The following DPP6 variants were observed in gnomAD, a reference collection of about 807,000 sequenced individuals.
DPP6 encodes dipeptidyl peptidase like 6.
In DPP6, 69 loss-of-function variants were observed where a neutral mutation model predicts 122.6. The ratio of observed to expected loss-of-function variants is 0.56; its 90% CI spans 0.46 to 0.69. The LOEUF (loss-of-function observed/expected upper bound fraction) is 0.69. DPP6 is among the 30% of genes least tolerant of loss of function. The pLI, the probability that DPP6 is intolerant of heterozygous loss-of-function variation, is 0.00. For synonymous variants in DPP6, 418 were observed against 433.1 expected, an observed-to-expected ratio of 0.97 and a Z score of 0.43; for missense variants, 928 against 1,116.9, an observed-to-expected ratio of 0.83 and a Z score of 2.41.
At chr7:154,211,605 A>G (rs754190082) in intron 1 of DPP6, among the ~76,000 whole-genome samples, 23 of 152,148 alleles carry the variant, frequency 1.5e-4, no homozygotes, top group Non-Finnish European at 3.1e-4. Context: ...ATGCGCATTT[A>G]TGGCTCTCTT....
chr7:154,805,480 G>A (rs1321107562), intron 15 of DPP6, among the ~76,000 whole-genome samples: 1 of 151,692 alleles, frequency 6.6e-6, no homozygotes, highest in Non-Finnish European at 1.5e-5. Context: ...AGTTATTTGG[G>A]ATCAGGGTAG....
chr7:153,815,779 G>A, the DPP6 span, among the ~76,000 whole-genome samples: 1 of 152,140 alleles, frequency 6.6e-6, no homozygotes, highest in African/African-American at 2.4e-5. Context: ...TGTATTGTGA[G>A]TTATCTGTGT....
At chr7:154,278,826 ATG>A (rs1804305289) in intron 1 of DPP6, among the ~76,000 whole-genome samples, 1 of 150,934 alleles carries the variant, frequency 6.6e-6, no homozygotes, top group South Asian at 2.1e-4. Context: ...GTGCAGTTGC[ATG>A]TGTGGGAGTG....
chr7:154,795,966 G>T, intron 12 of DPP6, 83 bp downstream of exon 12: 1 of 1,526,710 alleles, frequency 6.6e-7, no homozygotes, highest in South Asian at 1.3e-5. Context: ...GACAACAGCA[G>T]AATGGCTTCT....
chr7:154,795,714 T>C (rs1587165274), intron 11 of DPP6, 131 bp from the exon 12 acceptor site: 15 of 1,317,494 alleles, frequency 1.1e-5, no homozygotes, highest in Non-Finnish European at 1.5e-5. Context: ...AGCTGTGCAA[T>C]GCTTGTGCAG....
intron 1 of DPP6, among the ~76,000 whole-genome samples, chr7:154,360,809 G>A (rs965673655): frequency 2.6e-5 from 4 of 152,134 alleles, no homozygotes; most frequent in Admixed American, 6.6e-5. Flanking sequence ...TATTGCCCTC[G>A]CCCACCAGAA....
chr7:154,533,510 G>A (rs1828005166), intron 3 of DPP6, among the ~76,000 whole-genome samples: 1 of 151,790 alleles, frequency 6.6e-6, no homozygotes, highest in Admixed American at 6.6e-5. Context: ...AAATATTTAA[G>A]GCAAAAATAA....
chr7:154,853,887 C>T lies in DPP6; in HGVS notation c.1714+60C>T, dbSNP rs1802605796. The T allele has an allele frequency of 1.9e-6, 3 of 1,603,670 alleles. No individual in the cohort carries two copies. The South Asian group carries it at 3.3e-5, about 18-fold the overall frequency. On this transcript the variant is annotated intron_variant, in intron 17 of 25. Transcript: ENST00000377770. ...GACTCAGGAGAAAGGAAGCAAAACA[C>T]TCTATGAGATCAGCTGGCCCACATT...
intron 8 of DPP6, among the ~76,000 whole-genome samples, chr7:154,732,462 A>G (rs972645508): frequency 3.9e-5 from 6 of 152,212 alleles, no homozygotes; most frequent in Non-Finnish European, 8.8e-5. Flanking sequence ...ATATGCCATT[A>G]TCATGGAATG....
intron 25 of DPP6, chr7:154,889,780 AC>A: frequency 1.8e-6 from 1 of 548,890 alleles, no homozygotes; most frequent in Non-Finnish European, 3.1e-6. Context: ...CCGTACTCCC[AC>A]CCCAGCCCTG....
rs1554530645 is a variant in DPP6 at position 154,374,619 on chromosome 7, C to CTTTTTCTTTTTTTCT, written c.244-71590_244-71589insCTTTTTTTCTTTTTT. On this transcript the variant is annotated intron_variant, in intron 1 of 25. Coordinates refer to ENST00000377770, the MANE Select transcript of DPP6 (RefSeq NM_130797.4). ...CTTTTTCTGTTTTTTTTCTTTTTTT[C>CTTTTTCTTTTTTTCT]TTTTTTTTTGAGACGCAGTTTTCCT... Among the ~76,000 whole-genome samples, 11 of 44,880 alleles carry CTTTTTCTTTTTTTCT rather than the reference C, an allele frequency of 2.5e-4. No homozygotes were observed. In the South Asian group the frequency reaches 7.9e-3, roughly 32 times the overall value. 29.4% of individuals were successfully genotyped at this position (44,880 alleles called of 152,430 possible). A position where few individuals can be genotyped will look rare whatever the true frequency, so the allele number is the denominator to read the frequency against.
At position 154,880,637 on chromosome 7, in the gene DPP6, C is replaced by T. The variant is rs183050338; in HGVS notation, c.2079-251C>T. On this transcript the variant is annotated intron_variant, in intron 20 of 25. Transcript: ENST00000377770. ...CGGCTGTGGATTAATGGCTCGCAGT[C>T]GAGAAGCTTCTATACCTGGAAGTGC... 8.5e-5 allele frequency among the ~76,000 whole-genome samples: 13 copies of T among 152,262 alleles called. No homozygotes were observed. The East Asian group carries it at 9.7e-4, about 11-fold the overall frequency.
At chr7:154,759,515 C>A (rs181394077) in intron 8 of DPP6, among the ~76,000 whole-genome samples, 2 of 152,242 alleles carry the variant, frequency 1.3e-5, no homozygotes, top group Non-Finnish European at 2.9e-5. Flanking sequence ...GGCCACTGTG[C>A]GGTCTTTCCT....
chr7:154,018,516 T>C (rs1798538623), intron 1 of DPP6, among the ~76,000 whole-genome samples: 1 of 152,212 alleles, frequency 6.6e-6, no homozygotes, highest in Non-Finnish European at 1.5e-5. Flanking sequence ...CAAGTGTCCC[T>C]ATATATGGAA....
chr7:154,286,260 C>T (rs1210601848), intron 1 of DPP6, among the ~76,000 whole-genome samples: 1 of 152,078 alleles, frequency 6.6e-6, no homozygotes, highest in Non-Finnish European at 1.5e-5. Flanking sequence ...TAGCCAACAG[C>T]CCTGGGCAAT....
chr7:154,267,969 G>A (rs565054956), intron 1 of DPP6, among the ~76,000 whole-genome samples: 3 of 149,166 alleles, frequency 2.0e-5, no homozygotes, highest in East Asian at 3.9e-4. Flanking sequence ...ATATACACAC[G>A]TATATGCGCA....
chr7:154,669,428 A>C lies in DPP6; in HGVS notation c.749A>C (p.Lys250Thr). 1 of 1,554,468 alleles carries C rather than the reference A, an allele frequency of 6.4e-7. No homozygotes were observed. Residue 250 changes from lysine (K) to threonine (T), a missense_variant, in exon 7 of 26, where the codon AAA becomes ACA. By Grantham distance (78) the Lys-to-Thr change is moderately conservative (BLOSUM62 -1). Transcript: ENST00000377770. ...AKLQYAGWGP[K>T]GQQLIFIFEN... Reference sequence around the variant, plus strand: ...CTTCAGTATGCAGGATGGGGCCCTAAAGGCCAACAGCTGGTAAGCCAATCA... The same window carrying C: ...CTTCAGTATGCAGGATGGGGCCCTACAGGCCAACAGCTGGTAAGCCAATCA...
At chr7:154,153,832 G>A (rs1796548170) in intron 1 of DPP6, among the ~76,000 whole-genome samples, 1 of 152,154 alleles carries the variant, frequency 6.6e-6, no homozygotes, top group African/African-American at 2.4e-5. Flanking sequence ...AGCAGGCCCC[G>A]GGGCCATAGT....
chr7:154,857,674 G>A (rs1802953907), intron 17 of DPP6, among the ~76,000 whole-genome samples: 1 of 152,214 alleles, frequency 6.6e-6, no homozygotes, highest in Non-Finnish European at 1.5e-5. Context: ...GGTGCTTCCA[G>A]GCCCCCAGTT....
Sources: allele counts gnomAD v4.1 joint callset (sites outside exome capture counted in the v4.1 genomes callset), GRCh38; gene constraint gnomAD v4.1.1; transcripts MANE v1.5; gene names NCBI Gene and HGNC (gene_info 2026-07-23, HGNC 2026-07-21).